The following PUM2 variants were observed in gnomAD, a reference collection of about 807,000 sequenced individuals.
PUM2 encodes the protein pumilio homolog 2.
Under a neutral mutation model 124.5 loss-of-function variants are expected in PUM2, and 57 were observed. The ratio of observed to expected loss-of-function variants is 0.46; its 90% confidence interval spans 0.37 to 0.57. PUM2 has a LOEUF of 0.57. Ranked by LOEUF, PUM2 falls within the 20% of genes least tolerant of loss-of-function variation. The pLI, the probability that PUM2 is intolerant of heterozygous loss-of-function variation, is 0.00. For synonymous variants in PUM2, 460 were observed against 446.1 expected, an observed-to-expected ratio of 1.03 and a Z score of -0.39; for missense variants, 1,065 against 1,290.6, an observed-to-expected ratio of 0.83 and a Z score of 2.68.
chr2:20,319,642 T>TTGTG (rs1681830799), intron 2 of PUM2, among the ~76,000 whole-genome samples: 1 of 152,142 alleles, frequency 6.6e-6, no homozygotes, highest in Admixed American at 6.5e-5. Flanking sequence ...ATGTGTGTGT[T>TTGTG]TGTGTGTGTG....
In PUM2 at chr2:20,251,062, T is replaced by C. The variant is rs1014712207; in HGVS notation, c.*523A>G. 1 of 152,148 alleles carries C rather than the reference T, an allele frequency of 6.6e-6. No homozygotes were observed. The highest frequency in any genetic ancestry group is 1.5e-5 in the Non-Finnish European group (1 of 68,020). 9.4% of individuals were successfully genotyped at this position (152,148 alleles called of 1,614,324 possible). On this transcript the variant is annotated 3_prime_UTR_variant, in exon 21 of 21. Transcript: ENST00000361078. ...GTGAATTATCAAAATACAACTTAAC[T>C]CTTTTTAAAATATTAATAATATTTA...
chr2:20,286,257 G>A (rs372905885), intron 10 of PUM2, among the ~76,000 whole-genome samples: 1 of 152,198 alleles, frequency 6.6e-6, no homozygotes, highest in African/African-American at 2.4e-5. Context: ...ATCCAGAGGA[G>A]AAGTAATGAG....
At chr2:20,276,625 C>A (rs1670329043) in intron 13 of PUM2, among the ~76,000 whole-genome samples, 1 of 151,774 alleles carries the variant, frequency 6.6e-6, no homozygotes, top group African/African-American at 2.4e-5. Context: ...TTTTGGACAG[C>A]CTTGCATCAT....
chr2:20,260,728 A>AGCC (rs1410857606), intron 14 of PUM2, among the ~76,000 whole-genome samples: 5 of 152,342 alleles, frequency 3.3e-5, no homozygotes, highest in African/African-American at 1.2e-4. Context: ...ATCAATAAGA[A>AGCC]AATTACGTAA....
At chr2:20,329,898 G>C (rs1227011636) in intron 1 of PUM2, among the ~76,000 whole-genome samples, 26 of 152,142 alleles carry the variant, frequency 1.7e-4, no homozygotes, top group Non-Finnish European at 1.5e-5. Context: ...GAATGAACAG[G>C]ATGGTAAAAA....
intron 16 of PUM2, among the ~76,000 whole-genome samples, chr2:20,257,318 T>A (rs1665055892): frequency 6.6e-6 from 1 of 152,192 alleles, no homozygotes; most frequent in Non-Finnish European, 1.5e-5. Flanking sequence ...CAGATTTTAA[T>A]GCAGTGATGA....
Position 20,248,904 on chromosome 2 carries a change from G to A in PUM2, c.*2681C>T, listed in dbSNP as rs1057513272. On this transcript the variant is annotated 3_prime_UTR_variant, in exon 21 of 21. Coordinates refer to ENST00000361078, the MANE Select transcript of PUM2 (RefSeq NM_015317.5). ...AGGAGACACTCAAGAGTAAAGCCTA[G>A]GTAGTTTTGCCCAATTGTTTTATTC... 6 of 152,602 alleles carry A rather than the reference G, an allele frequency of 3.9e-5. No individual in the cohort carries two copies. The allele number at this position is 152,602 out of a possible 1,614,324, so 9.5% of individuals were successfully genotyped here. A position where few individuals can be genotyped will look rare whatever the true frequency, so the allele number is the denominator to read the frequency against.
At chr2:20,339,912 G>T (rs1318296276) in intron 1 of PUM2, among the ~76,000 whole-genome samples, 1 of 150,762 alleles carries the variant, frequency 6.6e-6, no homozygotes, top group Non-Finnish European at 1.5e-5. Flanking sequence ...ATAAATAAAA[G>T]AAAAACACAG....
At chr2:20,351,954 T>A (rs969591716), upstream of PUM2, among the ~76,000 whole-genome samples, 2 of 152,168 alleles carry the variant, frequency 1.3e-5, no homozygotes, top group Non-Finnish European at 2.9e-5. Flanking sequence ...AGCCCCTACC[T>A]TAGGCTCATA....
chr2:20,285,296 T>C (rs891077689), intron 10 of PUM2, among the ~76,000 whole-genome samples: 1 of 152,204 alleles, frequency 6.6e-6, no homozygotes. Flanking sequence ...CCTTGCTCTT[T>C]TGTCCCATGT....
intron 13 of PUM2, among the ~76,000 whole-genome samples, chr2:20,267,900 GAACTCCA>G (rs1460749643): frequency 6.6e-6 from 1 of 152,216 alleles, no homozygotes; most frequent in East Asian, 1.9e-4. Flanking sequence ...TGTGGAAGCT[GAACTCCA>G]GTAGTTTAGC....
intron 1 of PUM2, chr2:20,331,611 A>G (rs1684923490): frequency 7.1e-6 from 1 of 141,220 alleles, no homozygotes; most frequent in Admixed American, 7.1e-5. Flanking sequence ...CCAGTATCGA[A>G]AGCAGAAAAA....
chr2:20,267,026 C>CTTTTTTTTTTTTTTTTTTTT lies in PUM2; in HGVS notation c.1958-3567_1958-3566insAAAAAAAAAAAAAAAAAAAA, dbSNP rs373222999. 1.2e-4 allele frequency among the ~76,000 whole-genome samples: 17 copies of CTTTTTTTTTTTTTTTTTTTT among 142,810 alleles called. No homozygotes were observed. The South Asian group carries it at 3.4e-3, about 28-fold the overall frequency. The allele number at this position is 142,810 out of a possible 152,430, so 93.7% of individuals were successfully genotyped here. On this transcript the variant is annotated intron_variant, in intron 13 of 20. Coordinates refer to ENST00000361078, the MANE Select transcript of PUM2 (RefSeq NM_015317.5). The stretch of plus-strand genomic sequence containing the variant: ...TGAGTAAGGGACATCATGCCTGTAA[C>CTTTTTTTTTTTTTTTTTTTT]TTTTTTTTTTTTTTTGAGACAGGTC...
intron 8 of PUM2, 138 bp from the exon 9 acceptor site, chr2:20,294,656 G>C (rs1462420408): frequency 1.6e-5 from 16 of 997,204 alleles, no homozygotes; most frequent in Non-Finnish European, 2.1e-5. Flanking sequence ...AAAAGACAAA[G>C]TATTGATGGG....
intron 10 of PUM2, among the ~76,000 whole-genome samples, chr2:20,289,600 A>G (rs1380405937): frequency 1.3e-5 from 2 of 152,238 alleles, no homozygotes; most frequent in Admixed American, 1.3e-4. Flanking sequence ...TACTTCAGGG[A>G]CAGCAGGATG....
At chr2:20,300,849 T>C (rs181500482) in intron 7 of PUM2, among the ~76,000 whole-genome samples, 66 of 151,444 alleles carry the variant, frequency 4.4e-4, no homozygotes, top group East Asian at 2.1e-3. Context: ...AAATTCCTTA[T>C]GGACAAAGGA....
At chr2:20,288,326 C>G (rs1363782865) in intron 10 of PUM2, among the ~76,000 whole-genome samples, 2 of 152,076 alleles carry the variant, frequency 1.3e-5, no homozygotes, top group African/African-American at 4.8e-5. Context: ...TGGACACAGT[C>G]AACAGGGTGA....
At chr2:20,330,565 G>T (rs1175451103) in intron 1 of PUM2, among the ~76,000 whole-genome samples, 2 of 152,194 alleles carry the variant, frequency 1.3e-5, no homozygotes, top group African/African-American at 4.8e-5. Flanking sequence ...ACTCTTGGAG[G>T]TTCCTGGAGA....
chr2:20,281,487 A>G (rs1199936004), intron 12 of PUM2, among the ~76,000 whole-genome samples: 1 of 152,186 alleles, frequency 6.6e-6, no homozygotes. Context: ...TTTTTTCTGA[A>G]TTATTTAGGG....
Sources: allele counts gnomAD v4.1 joint callset (sites outside exome capture counted in the v4.1 genomes callset), GRCh38; gene constraint gnomAD v4.1.1; transcripts MANE v1.5; gene names NCBI Gene and HGNC (gene_info 2026-07-23, HGNC 2026-07-21).